The following DCC variants were observed in gnomAD, a reference collection of about 807,000 sequenced individuals.
DCC encodes the protein DCC netrin 1 receptor, also known as netrin receptor DCC.
A neutral mutation model predicts 172.5 loss-of-function variants in DCC; 58 were observed. The observed-to-expected ratio is 0.34, with a 90% CI of 0.27 to 0.42. The LOEUF (loss-of-function observed/expected upper bound fraction) is 0.42. Among genes scored for constraint, DCC ranks in the 10% least tolerant of loss-of-function variants. The pLI is 1.00. For missense variants in DCC, 1,740 were observed against 1,791.0 expected (o/e 0.97, Z 0.51); for synonymous variants, 709 against 644.5 (o/e 1.10, Z -1.52).
intron 1 of DCC, among the ~76,000 whole-genome samples, chr18:52,578,800 C>T (rs1030575853): frequency 8.5e-5 from 13 of 152,072 alleles, no homozygotes; most frequent in African/African-American, 3.1e-4. Context: ...AGATTGAGAC[C>T]ATCCTGGCCA....
chr18:53,376,499 C>T (rs1907297506), intron 15 of DCC, among the ~76,000 whole-genome samples: 1 of 152,180 alleles, frequency 6.6e-6, no homozygotes, highest in Admixed American at 6.5e-5. Flanking sequence ...TGGTAGTACT[C>T]ACCAACGTAG....
At chr18:53,402,558 T>G (rs770723621) in intron 18 of DCC, among the ~76,000 whole-genome samples, 2 of 152,164 alleles carry the variant, frequency 1.3e-5, no homozygotes, top group African/African-American at 2.4e-5. Context: ...ACATACTCTC[T>G]TCTGTTCTCT....
intron 1 of DCC, among the ~76,000 whole-genome samples, chr18:52,388,601 G>A (rs1398247366): frequency 6.6e-6 from 1 of 151,746 alleles, no homozygotes; most frequent in Non-Finnish European, 1.5e-5. Context: ...ACCTTTGCTA[G>A]GAGTATTTCA....
At chr18:52,865,527 C>G (rs950321588) in intron 2 of DCC, among the ~76,000 whole-genome samples, 1 of 152,020 alleles carries the variant, frequency 6.6e-6, no homozygotes, top group Non-Finnish European at 1.5e-5. Context: ...TTAATGATCG[C>G]CATTCTAACT....
rs191697956 is a variant in DCC, at chr18:53,348,131, A to G, written c.2359+8224A>G. Among the ~76,000 whole-genome samples the G allele has an allele frequency of 2.8e-4, 43 of 152,272 alleles. 1 individual carries two copies. The East Asian group carries it at 7.5e-3, about 27-fold the overall frequency. ...CAGTCCAATGTCTCATCTGACACGA[A>G]GGAAGTCCCTTTCGCCTATGATCCT... On this transcript the variant is annotated intron_variant, in intron 15 of 28. Coordinates refer to ENST00000442544, the MANE Select transcript of DCC (RefSeq NM_005215.4).
chr18:53,512,022 C>T (rs1332389879), intron 27 of DCC, among the ~76,000 whole-genome samples: 1 of 152,144 alleles, frequency 6.6e-6, no homozygotes, highest in South Asian at 2.1e-4. Flanking sequence ...AGGGCACAGA[C>T]AAAAAGACAG....
At chr18:52,933,335 G>A (rs2040335581) in intron 5 of DCC, among the ~76,000 whole-genome samples, 1 of 151,794 alleles carries the variant, frequency 6.6e-6, no homozygotes, top group South Asian at 2.1e-4. Context: ...TGCTAACAAG[G>A]CCGAAGAGCT....
intron 1 of DCC, among the ~76,000 whole-genome samples, chr18:52,626,723 A>C (rs1266080577): frequency 1.3e-5 from 2 of 152,298 alleles, no homozygotes; most frequent in East Asian, 3.9e-4. Context: ...ATTCCAAAAA[A>C]CAAATCTGAA....
chr18:53,103,904 A>G (rs1210221355), intron 7 of DCC, among the ~76,000 whole-genome samples: 1 of 152,072 alleles, frequency 6.6e-6, no homozygotes, highest in African/African-American at 2.4e-5. Flanking sequence ...AAGAATCTAG[A>G]AACACAGCTG....
intron 2 of DCC, among the ~76,000 whole-genome samples, chr18:52,878,159 C>G (rs193066140): frequency 1.3e-5 from 2 of 152,164 alleles, no homozygotes; most frequent in African/African-American, 2.4e-5. Flanking sequence ...ACCAAACTGA[C>G]ACAGTTCACA....
chr18:52,889,026 T>C (rs1422143029), intron 2 of DCC, among the ~76,000 whole-genome samples: 1 of 152,044 alleles, frequency 6.6e-6, no homozygotes. Flanking sequence ...TTTAATTGGC[T>C]TTTCAAACAG....
At chr18:53,464,303 A>T (rs772802173) in intron 24 of DCC, among the ~76,000 whole-genome samples, 3 of 152,226 alleles carry the variant, frequency 2.0e-5, no homozygotes, top group Admixed American at 6.5e-5. Flanking sequence ...AGCATGTGGC[A>T]TTTGGTAGTA....
intron 1 of DCC, among the ~76,000 whole-genome samples, chr18:52,696,025 G>T (rs538380048): frequency 3.4e-4 from 52 of 152,282 alleles, no homozygotes; most frequent in African/African-American, 1.2e-3. Context: ...TGAATGTATT[G>T]TTAGCAGCTT....
intron 7 of DCC, among the ~76,000 whole-genome samples, chr18:53,089,776 A>T (rs2042976242): frequency 6.6e-6 from 1 of 152,186 alleles, no homozygotes; most frequent in Admixed American, 6.5e-5. Flanking sequence ...GTGATGCATA[A>T]AGCAGTGAAT....
chr18:52,741,089 A>G (rs1430515387), intron 1 of DCC, among the ~76,000 whole-genome samples: 1 of 152,190 alleles, frequency 6.6e-6, no homozygotes, highest in African/African-American at 2.4e-5. Flanking sequence ...TTCTTTTGCA[A>G]TTGAAAGTGC....
chr18:52,589,996 CT>C (rs796786163), intron 1 of DCC, among the ~76,000 whole-genome samples: 4 of 152,148 alleles, frequency 2.6e-5, no homozygotes, highest in African/African-American at 9.6e-5. Flanking sequence ...AAAATCTATG[CT>C]TTTTTTTAAA....
intron 1 of DCC, among the ~76,000 whole-genome samples, chr18:52,682,768 G>T (rs1172906406): frequency 2.0e-5 from 3 of 152,076 alleles, no homozygotes; most frequent in African/African-American, 7.2e-5. Context: ...TGGGGGAAGG[G>T]TTACTAGTTT....
intron 2 of DCC, among the ~76,000 whole-genome samples, chr18:52,812,092 T>C (rs986827219): frequency 6.0e-4 from 92 of 152,344 alleles, no homozygotes; most frequent in African/African-American, 2.2e-3. Flanking sequence ...AGAAACCTTG[T>C]TGAGTTAGGA....
intron 1 of DCC, chr18:52,409,123 C>T (rs1239132240): frequency 6.6e-6 from 1 of 152,088 alleles, no homozygotes; most frequent in Non-Finnish European, 1.5e-5. Flanking sequence ...AAGCAGCTGA[C>T]TTACAACAGC....
Sources: gnomAD v4.1 joint callset for allele counts (sites outside exome capture counted in the v4.1 genomes callset) on GRCh38, gnomAD v4.1.1 for gene constraint, MANE v1.5 for transcripts, NCBI Gene and HGNC (gene_info 2026-07-23, HGNC 2026-07-21) for gene names.